Variants in COX10 observed in about 807,000 individuals in gnomAD.
COX10 encodes the protein protoheme IX farnesyltransferase, mitochondrial.
In COX10, 27 loss-of-function variants were observed where a neutral mutation model predicts 37.3. The observed-to-expected ratio is 0.72, with a 90% CI of 0.53 to 1.00. The LOEUF (loss-of-function observed/expected upper bound fraction) is 1.00. Among genes scored for constraint, COX10 ranks in the 50% least tolerant of loss-of-function variants. COX10 has a pLI of 0.00. For synonymous variants in COX10, 222 were observed against 229.1 expected (o/e 0.97, Z 0.28); for missense variants, 475 against 563.2 (o/e 0.84, Z 1.59).
intron 1 of COX10, among the ~76,000 whole-genome samples, chr17:14,072,608 T>A (rs1915051083): frequency 6.6e-6 from 1 of 152,140 alleles, no homozygotes; most frequent in African/African-American, 2.4e-5. Flanking sequence ...ACCCACTTAA[T>A]CATGAGAGTT....
chr17:14,207,384 T>A lies in COX10; in HGVS notation c.*171T>A. Reference sequence around the variant, plus strand: ...TTTTTTTAAATATTACCCAAAATGCTCCCCAAATAAGAAATGCATCAGCTC... The same window carrying A: ...TTTTTTTAAATATTACCCAAAATGCACCCCAAATAAGAAATGCATCAGCTC... On this transcript the variant is annotated 3_prime_UTR_variant, in exon 7 of 7. Transcript: ENST00000261643. 1.2e-6 allele frequency: 1 copy of A among 854,788 alleles called. No homozygotes were observed. Among genetic ancestry groups the A allele is most frequent in the Non-Finnish European group, 1.7e-6 (1 of 581,410 alleles). The allele number at this position is 854,788 out of a possible 1,614,324, so 53.0% of individuals were successfully genotyped here. A position where few individuals can be genotyped will look rare whatever the true frequency, so the allele number is the denominator to read the frequency against.
intron 4 of COX10, among the ~76,000 whole-genome samples, chr17:14,129,920 G>A (rs1916426677): frequency 1.3e-5 from 2 of 152,184 alleles, no homozygotes; most frequent in South Asian, 4.1e-4. Context: ...AAACTCTACG[G>A]TCACAATACT....
At chr17:14,202,872 G>A (rs1272427702) in intron 6 of COX10, among the ~76,000 whole-genome samples, 1 of 152,012 alleles carries the variant, frequency 6.6e-6, no homozygotes, top group African/African-American at 2.4e-5. Context: ...TGTCTCAGAG[G>A]CCTACTGGGA....
At chr17:14,089,898 C>T (rs920660618) in intron 3 of COX10, among the ~76,000 whole-genome samples, 2 of 152,128 alleles carry the variant, frequency 1.3e-5, no homozygotes, top group Admixed American at 6.6e-5. Context: ...AACACTCTCT[C>T]CTAGCTCTTT....
chr17:14,187,658 G>A (rs1189164510), intron 5 of COX10, among the ~76,000 whole-genome samples: 1 of 152,140 alleles, frequency 6.6e-6, no homozygotes, highest in Non-Finnish European at 1.5e-5. Context: ...TGTTATAAAT[G>A]TTTTAGGAAA....
chr17:14,194,025 T>C (rs1195527122), intron 6 of COX10, among the ~76,000 whole-genome samples: 1 of 152,226 alleles, frequency 6.6e-6, no homozygotes, highest in Admixed American at 6.5e-5. Flanking sequence ...CTGAACTCTA[T>C]TCAACTTCCT....
At chr17:14,116,100 G>GT (rs923293137) in intron 4 of COX10, among the ~76,000 whole-genome samples, 3 of 151,858 alleles carry the variant, frequency 2.0e-5, no homozygotes, top group Admixed American at 1.3e-4. Context: ...CAGCATAGCA[G>GT]TTTTTTTTCA....
At chr17:14,117,373 G>A (rs952946624) in intron 4 of COX10, among the ~76,000 whole-genome samples, 2 of 152,094 alleles carry the variant, frequency 1.3e-5, no homozygotes, top group Non-Finnish European at 2.9e-5. Context: ...TGTGTGAGGT[G>A]GTGATTTAAC....
chr17:14,163,161 G>A (rs1395184389), intron 5 of COX10, among the ~76,000 whole-genome samples: 1 of 152,130 alleles, frequency 6.6e-6, no homozygotes, highest in African/African-American at 2.4e-5. Flanking sequence ...CCAGATTTAT[G>A]TTCTGTATAT....
chr17:14,069,722 G>A, intron 1 of COX10, 74 bp downstream of exon 1: 1 of 1,589,934 alleles, frequency 6.3e-7, no homozygotes, highest in African/African-American at 1.3e-5. Context: ...CGTGGTTCCG[G>A]CTGGCTGCAA....
At chr17:14,128,285 G>A (rs1336182104) in intron 4 of COX10, among the ~76,000 whole-genome samples, 2 of 151,878 alleles carry the variant, frequency 1.3e-5, no homozygotes, top group Admixed American at 6.6e-5. Context: ...ATTTTCAGCA[G>A]CAGTTTTTTT....
At chr17:14,125,027 A>G (rs1351631507) in intron 4 of COX10, among the ~76,000 whole-genome samples, 1 of 152,204 alleles carries the variant, frequency 6.6e-6, no homozygotes, top group Non-Finnish European at 1.5e-5. Context: ...TCAAGTCACA[A>G]ATTGATTTAT....
intron 5 of COX10, among the ~76,000 whole-genome samples, chr17:14,164,894 A>G (rs1881937154): frequency 6.6e-6 from 1 of 152,214 alleles, no homozygotes; most frequent in Non-Finnish European, 1.5e-5. Flanking sequence ...TCACGTAGGG[A>G]AAGTGTTTTC....
chr17:14,100,134 C>T (rs559880412), intron 3 of COX10, among the ~76,000 whole-genome samples: 3 of 152,286 alleles, frequency 2.0e-5, no homozygotes, highest in Admixed American at 2.0e-4. Context: ...CTCTCTGCCT[C>T]TCTTAAGTCA....
intron 5 of COX10, among the ~76,000 whole-genome samples, chr17:14,182,955 C>T (rs993946004): frequency 1.3e-5 from 2 of 152,088 alleles, no homozygotes; most frequent in African/African-American, 4.8e-5. Flanking sequence ...TTGTTTCTCT[C>T]TTATTCTTAA....
intron 5 of COX10, among the ~76,000 whole-genome samples, chr17:14,167,828 G>A (rs911731768): frequency 6.6e-6 from 1 of 152,178 alleles, no homozygotes; most frequent in African/African-American, 2.4e-5. Flanking sequence ...CGACATATGA[G>A]AATTACAATT....
intron 3 of COX10, among the ~76,000 whole-genome samples, chr17:14,078,686 C>T (rs754376928): frequency 2.6e-5 from 4 of 152,158 alleles, no homozygotes; most frequent in African/African-American, 4.8e-5. Context: ...GCTTACCCTG[C>T]CGTTCATGCT....
intron 4 of COX10, among the ~76,000 whole-genome samples, chr17:14,149,847 T>C (rs1216412881): frequency 6.6e-6 from 1 of 152,178 alleles, no homozygotes; most frequent in African/African-American, 2.4e-5. Flanking sequence ...GAGTTGTGTT[T>C]CTATCACTTG....
chr17:14,128,252 A>T (rs1211707942), intron 4 of COX10, among the ~76,000 whole-genome samples: 1 of 152,096 alleles, frequency 6.6e-6, no homozygotes, highest in Non-Finnish European at 1.5e-5. Flanking sequence ...ATCTATTTTA[A>T]TGATGCAATT....
Sources: gnomAD v4.1 joint callset for allele counts (sites outside exome capture counted in the v4.1 genomes callset) on GRCh38, gnomAD v4.1.1 for gene constraint, MANE v1.5 for transcripts, NCBI Gene and HGNC (gene_info 2026-07-23, HGNC 2026-07-21) for gene names.